Variants in CACNA1C observed in about 807,000 individuals in gnomAD.
The protein encoded by CACNA1C is voltage-dependent L-type calcium channel subunit alpha-1C.
A neutral mutation model predicts 229.0 loss-of-function variants in CACNA1C; 30 were observed. The ratio of observed to expected loss-of-function variants is 0.13; its 90% CI spans 0.10 to 0.18. The LOEUF is 0.18. Among genes scored for constraint, CACNA1C ranks in the 10% least tolerant of loss-of-function variants. The pLI, the probability that CACNA1C is intolerant of heterozygous loss-of-function variation, is 1.00. For synonymous variants in CACNA1C, 1,114 were observed against 1,132.5 expected (o/e 0.98, Z 0.33); for missense variants, 1,658 against 2,845.0 (o/e 0.58, Z 9.49).
rs762248044 is a variant in CACNA1C at position 2,528,535 on chromosome 12, CA to C, written c.1390+15552del. Reference sequence around the variant, plus strand: ...CACCCTGATCTCTGCACGGAAAGCCCAGCCCCACCATCTGCCTTCCGAACTG... The same window carrying C: ...CACCCTGATCTCTGCACGGAAAGCCCGCCCCACCATCTGCCTTCCGAACTG... On this transcript the variant is annotated intron_variant, in intron 9 of 46. Coordinates refer to ENST00000399655, the MANE Select transcript of CACNA1C (RefSeq NM_000719.7). 7.2e-5 allele frequency among the ~76,000 whole-genome samples: 11 copies of C among 152,360 alleles called. 1 individual carries two copies. The highest frequency in any genetic ancestry group is 5.9e-4 in the Admixed American group (9 of 15,304).
At chr12:2,579,671 C>T (rs1014809701) in intron 13 of CACNA1C, among the ~76,000 whole-genome samples, 1 of 152,138 alleles carries the variant, frequency 6.6e-6, no homozygotes, top group Non-Finnish European at 1.5e-5. Flanking sequence ...GCCTCAAACT[C>T]CTGGGCTCAA....
At chr12:2,440,439 G>A (rs1434921186) in intron 3 of CACNA1C, among the ~76,000 whole-genome samples, 7 of 152,224 alleles carry the variant, frequency 4.6e-5, no homozygotes, top group African/African-American at 1.7e-4. Context: ...CGTCCATGCT[G>A]TAGCATGTGT....
At position 2,176,816 on chromosome 12, in the gene CACNA1C, CAA is replaced by C. The variant is rs2096659553; in HGVS notation, c.477+56387_477+56388del. 4.6e-5 allele frequency among the ~76,000 whole-genome samples: 7 copies of C among 152,298 alleles called. No homozygotes were observed. In the South Asian group the frequency reaches 1.5e-3, roughly 32 times the overall value. On this transcript the variant is annotated intron_variant, in intron 3 of 46. Coordinates refer to ENST00000399655, the MANE Select transcript of CACNA1C (RefSeq NM_000719.7). ...ATACTGAAAGTGGGATACACGAGGA[CAA>C]TGCTATCACTTGACCCATCTTCTTT... is the stretch of plus-strand genomic sequence containing the variant.
intron 5 of CACNA1C, among the ~76,000 whole-genome samples, chr12:2,458,981 CTTTTTTTTTT>C (rs71057826): frequency 9.5e-6 from 1 of 105,598 alleles, no homozygotes; most frequent in African/African-American, 3.6e-5. Flanking sequence ...CTTTTTCTTT[CTTTTTTTTTT>C]TTTTTTTTTT....
intron 13 of CACNA1C, among the ~76,000 whole-genome samples, chr12:2,581,113 T>A (rs1209486245): frequency 6.6e-6 from 1 of 152,166 alleles, no homozygotes; most frequent in East Asian, 1.9e-4. Context: ...AAAAAAAGCT[T>A]TCTTTCTGTT....
At chr12:2,432,791 A>G (rs564009931) in intron 3 of CACNA1C, among the ~76,000 whole-genome samples, 1 of 152,274 alleles carries the variant, frequency 6.6e-6, no homozygotes, top group East Asian at 1.9e-4. Flanking sequence ...CTTCATCTGA[A>G]CAACTAAAGC....
intron 1 of CACNA1C, among the ~76,000 whole-genome samples, chr12:2,025,479 T>G (rs2047164790): frequency 6.6e-6 from 1 of 152,148 alleles, no homozygotes; most frequent in Non-Finnish European, 1.5e-5. Flanking sequence ...GCCAGACACC[T>G]TCTTGTTGAG....
rs113165834 is a variant in CACNA1C, at chr12:2,231,574, G to A, written c.477+111144G>A. On this transcript the variant is annotated intron_variant, in intron 3 of 46. Coordinates refer to ENST00000399655, the MANE Select transcript of CACNA1C (RefSeq NM_000719.7). ...AAATGAGCTATCCAAGATCACAAAT[G>A]GGTTTTGTTTCTGTTTCTGATTTTG... Among the ~76,000 whole-genome samples, 1,063 of 152,264 alleles carry A rather than the reference G, an allele frequency of 7.0e-3. 12 individuals are homozygous for A. Among genetic ancestry groups the A allele is most frequent in the African/African-American group, 0.025 (1,028 of 41,548 alleles).
chr12:2,300,436 C>T (rs1402432034), intron 3 of CACNA1C, among the ~76,000 whole-genome samples: 1 of 151,768 alleles, frequency 6.6e-6, no homozygotes, highest in Admixed American at 6.6e-5. Flanking sequence ...GCCTGGGCAA[C>T]ATGGTGAAAT....
chr12:2,118,019 A>C (rs1310603434), intron 2 of CACNA1C, among the ~76,000 whole-genome samples: 1 of 152,236 alleles, frequency 6.6e-6, no homozygotes, highest in Admixed American at 6.5e-5. Flanking sequence ...GGCGACACAG[A>C]GCACTTCCCA....
intron 3 of CACNA1C, among the ~76,000 whole-genome samples, chr12:2,320,947 TG>T (rs1269192320): frequency 6.6e-6 from 1 of 152,186 alleles, no homozygotes; most frequent in East Asian, 1.9e-4. Flanking sequence ...TCTACAACCC[TG>T]GGGGGCCCAG....
rs577193737 is a variant in CACNA1C, at chr12:2,064,625, A to G, written c.49+11014A>G. 3.9e-5 allele frequency among the ~76,000 whole-genome samples: 6 copies of G among 152,338 alleles called. No individual in the cohort carries two copies. In the South Asian group the frequency reaches 1.0e-3, roughly 26 times the overall value. On this transcript the variant is annotated intron_variant, in intron 1 of 46. Transcript: ENST00000399655. ...CAAAAACGTGAGAAGAAAGGTAAAC[A>G]GTCCGGGGAGAAAATTGGGAAAGGA...
At chr12:2,464,930 A>G (rs1204437089) in intron 5 of CACNA1C, among the ~76,000 whole-genome samples, 7 of 152,198 alleles carry the variant, frequency 4.6e-5, no homozygotes, top group Admixed American at 2.0e-4. Flanking sequence ...GCCTTACAAC[A>G]TGCTGGTTTT....
intron 3 of CACNA1C, among the ~76,000 whole-genome samples, chr12:2,159,131 AG>A (rs1160432091): frequency 2.6e-5 from 4 of 152,244 alleles, no homozygotes; most frequent in Admixed American, 1.3e-4. Flanking sequence ...CAGGTTGGGG[AG>A]GGGGGTAAGA....
rs748949538 is a variant in CACNA1C at position 2,120,372 on chromosome 12, C to T, written c.419C>T (p.Ala140Val). The change falls in exon 3 of 47, where the codon GCC becomes GTC. Residue 140 changes from alanine to valine, a missense_variant. By Grantham distance (64) the Ala-to-Val change is moderately conservative. Coordinates refer to ENST00000399655, the MANE Select transcript of CACNA1C (RefSeq NM_000719.7). ...CTGACTATTTTTGCCAATTGTGTGGCCTTAGCGATCTATATTCCCTTTCCA... is the reference window on the plus strand; with the variant it reads ...CTGACTATTTTTGCCAATTGTGTGGTCTTAGCGATCTATATTCCCTTTCCA... Reference protein sequence around the residue: ...ILLTIFANCVALAIYIPFPED... With the variant: ...ILLTIFANCVVLAIYIPFPED... 3 of 1,611,704 alleles carry T rather than the reference C, an allele frequency of 1.9e-6. No homozygotes were observed. Among genetic ancestry groups the T allele is most frequent in the South Asian group, 1.1e-5 (1 of 91,036 alleles).
intron 1 of CACNA1C, among the ~76,000 whole-genome samples, chr12:2,005,099 T>C (rs992528217): frequency 6.6e-6 from 1 of 151,976 alleles, no homozygotes; most frequent in Non-Finnish European, 1.5e-5. Flanking sequence ...CCAAACTGTA[T>C]TGCTAGTCAA....
At chr12:2,448,580 G>C in intron 3 of CACNA1C, among the ~76,000 whole-genome samples, 1 of 152,200 alleles carries the variant, frequency 6.6e-6, no homozygotes. Flanking sequence ...TTTTCCAGGA[G>C]CTGTGCTTTA....
intron 1 of CACNA1C, chr12:1,992,959 A>G (rs2039824137): frequency 1.7e-6 from 1 of 599,120 alleles, no homozygotes; most frequent in East Asian, 2.7e-5. Context: ...CCTCACTAAG[A>G]ACTTGCCTCA....
chr12:2,503,144 G>T (rs2099764310), intron 7 of CACNA1C, among the ~76,000 whole-genome samples: 1 of 152,204 alleles, frequency 6.6e-6, no homozygotes, highest in Non-Finnish European at 1.5e-5. Context: ...GCATGCATCA[G>T]AATCACCTGT....
Sources: allele counts gnomAD v4.1 joint callset (sites outside exome capture counted in the v4.1 genomes callset), GRCh38; gene constraint gnomAD v4.1.1; transcripts MANE v1.5; gene names NCBI Gene and HGNC (gene_info 2026-07-23, HGNC 2026-07-21).